Variants in SRRM4 observed in about 807,000 individuals in gnomAD.
SRRM4 encodes the protein serine/arginine repetitive matrix 4.
A neutral mutation model predicts 68.9 loss-of-function variants in SRRM4; 33 were observed. The observed-to-expected ratio is 0.48, with a 90% confidence interval of 0.36 to 0.64. SRRM4 has a LOEUF of 0.64. Among genes scored for constraint, SRRM4 ranks in the 30% least tolerant of loss-of-function variants. The pLI, the probability that SRRM4 is intolerant of heterozygous loss-of-function variation, is 0.00. For missense variants in SRRM4, 817 were observed against 827.1 expected (o/e 0.99, Z 0.15); for synonymous variants, 318 against 318.8 (o/e 1.00, Z 0.03).
At position 118,981,613 on chromosome 12, in the gene SRRM4, C is replaced by T. The variant is rs1220897611; in HGVS notation, c.-270C>T. The T allele has an allele frequency of 1.2e-5, 5 of 403,170 alleles. No individual in the cohort carries two copies. In the South Asian group the frequency reaches 2.5e-4, roughly 20 times the overall value. 25.0% of individuals were successfully genotyped at this position (403,170 alleles called of 1,614,324 possible). On this transcript the variant is annotated 5_prime_UTR_variant, in exon 1 of 13. Transcript: ENST00000267260. ...GCCCAGAAAGCCAGCCCTCCCTTCC[C>T]TTCTTGGGGCGCAGAGGCTCAGCCA...
At position 119,018,044 on chromosome 12, in the gene SRRM4, T is replaced by C. The variant is rs1455198161; in HGVS notation, c.131+36031T>C. On this transcript the variant is annotated intron_variant, in intron 1 of 12. Coordinates refer to ENST00000267260, the MANE Select transcript of SRRM4 (RefSeq NM_194286.4). Reference sequence around the variant, plus strand: ...AAATAAAACAATGTCAATAAAAGGCTTGACACAGAGTTGTTGTCAAGCAAA... The same window carrying C: ...AAATAAAACAATGTCAATAAAAGGCCTGACACAGAGTTGTTGTCAAGCAAA... 4.6e-5 allele frequency among the ~76,000 whole-genome samples: 7 copies of C among 152,322 alleles called. No individual in the cohort carries two copies. The East Asian group carries it at 1.4e-3, about 29-fold the overall frequency.
At position 119,122,125 on chromosome 12, in the gene SRRM4, G is replaced by A. The variant is rs767869892; in HGVS notation, c.515+5G>A. ...TGAGAAGAGGCACAAGAAACAGTAAGTAGATACTACCTGGAATGTACTCAT... is the reference window on the plus strand; with the variant it reads ...TGAGAAGAGGCACAAGAAACAGTAAATAGATACTACCTGGAATGTACTCAT... On this transcript the variant is annotated splice_donor_5th_base_variant and intron_variant, in intron 6 of 12. Coordinates refer to ENST00000267260, the MANE Select transcript of SRRM4 (RefSeq NM_194286.4). 28 of 1,600,736 alleles carry A rather than the reference G, an allele frequency of 1.7e-5. No individual in the cohort carries two copies. Among genetic ancestry groups the A allele is most frequent in the Non-Finnish European group, 2.4e-5 (28 of 1,167,926 alleles).
At chr12:119,072,573 G>A (rs904998434) in intron 1 of SRRM4, among the ~76,000 whole-genome samples, 3 of 152,130 alleles carry the variant, frequency 2.0e-5, no homozygotes, top group Admixed American at 6.6e-5. Context: ...TGTGTGCTCC[G>A]TGAGATAAGG....
In SRRM4 at chr12:119,161,871, A is replaced by T. The variant is rs1954516201; in HGVS notation, c.*5073A>T. On this transcript the variant is annotated 3_prime_UTR_variant, in exon 13 of 13. Transcript: ENST00000267260. The stretch of plus-strand genomic sequence containing the variant: ...ACACATGAACCAACTTCTATTAAAA[A>T]GTCACAACTCCTTGAAAAAAAAAAT... 1 of 152,314 alleles carries T rather than the reference A, an allele frequency of 6.6e-6. No individual in the cohort carries two copies. The highest frequency in any genetic ancestry group is 2.4e-5 in the African/African-American group (1 of 41,440). The allele number at this position is 152,314 out of a possible 1,614,324, so 9.4% of individuals were successfully genotyped here.
At chr12:119,015,064 G>A (rs935047438) in intron 1 of SRRM4, among the ~76,000 whole-genome samples, 17 of 152,170 alleles carry the variant, frequency 1.1e-4, no homozygotes, top group African/African-American at 4.1e-4. Context: ...ATGCAATGAA[G>A]CAGTCAAAAT....
intron 1 of SRRM4, among the ~76,000 whole-genome samples, chr12:119,072,070 C>G (rs1953881182): frequency 6.6e-6 from 1 of 152,242 alleles, no homozygotes; most frequent in South Asian, 2.1e-4. Flanking sequence ...GTTTCTTCAT[C>G]TGTGTAATAG....
intron 10 of SRRM4, among the ~76,000 whole-genome samples, chr12:119,152,940 G>A (rs1023366109): frequency 1.3e-5 from 2 of 152,166 alleles, no homozygotes; most frequent in Non-Finnish European, 2.9e-5. Flanking sequence ...ATTTGGCTTA[G>A]AGGCAAACAG....
rs61938058 is a variant in SRRM4, at chr12:119,149,111, A to T, written c.1077-1906A>T. ...ATGCCTGTAATCCCAGCACTTTGGG[A>T]GGCCAAGGCAGGTGGATCACGAGGT... On this transcript the variant is annotated intron_variant, in intron 9 of 12. Coordinates refer to ENST00000267260, the MANE Select transcript of SRRM4 (RefSeq NM_194286.4). Among the ~76,000 whole-genome samples, 516 of 152,320 alleles carry T rather than the reference A, an allele frequency of 3.4e-3. 1 individual carries two copies. Among genetic ancestry groups the T allele is most frequent in the Non-Finnish European group, 5.2e-3 (352 of 68,020 alleles).
chr12:119,137,587 GGAGAGAGAGAGAGAGA>G (rs55883419), intron 8 of SRRM4, among the ~76,000 whole-genome samples: 18,736 of 119,060 alleles, frequency 0.16, 1,794 homozygotes, highest in Middle Eastern at 0.21. Flanking sequence ...GGTTTGGAGT[GGAGAGAGAGAGAGAGA>G]GAGAGAGAGA....
intron 1 of SRRM4, among the ~76,000 whole-genome samples, chr12:119,003,208 G>A (rs1056905428): frequency 6.6e-6 from 1 of 151,698 alleles, no homozygotes; most frequent in Non-Finnish European, 1.5e-5. Context: ...ACCTATGTTC[G>A]AAGACCAGGG....
At chr12:118,993,261 G>C (rs980373924) in intron 1 of SRRM4, among the ~76,000 whole-genome samples, 1 of 152,180 alleles carries the variant, frequency 6.6e-6, no homozygotes. Context: ...GGGTGGGAAT[G>C]GTGTGACCGT....
At chr12:119,067,743 T>C (rs1953855240) in intron 1 of SRRM4, among the ~76,000 whole-genome samples, 1 of 151,924 alleles carries the variant, frequency 6.6e-6, no homozygotes, top group South Asian at 2.1e-4. Flanking sequence ...AAAATAAAAA[T>C]AAGAGGTCAA....
intron 5 of SRRM4, among the ~76,000 whole-genome samples, chr12:119,121,856 C>CCA (rs1385747418): frequency 6.6e-6 from 1 of 152,206 alleles, no homozygotes; most frequent in African/African-American, 2.4e-5. Flanking sequence ...TTGGCATCCT[C>CCA]CACACTCCAT....
Position 119,102,278 on chromosome 12 carries a change from A to G in SRRM4, c.174A>G (p.Gly58=), listed in dbSNP as rs758138809. Residue 58 remains glycine (G), a synonymous_variant, in exon 2 of 13, where the codon GGA becomes GGG. Transcript: ENST00000267260. The part of the protein sequence containing the change: ...QNNPVVPAQD[G]PSEKLGQHLA... ...ACCCCGTTGTCCCAGCTCAGGATGG[A>G]CCCTCAGAAAAGCTGGGTCAGCATC... 4.3e-6 allele frequency: 7 copies of G among 1,613,676 alleles called. No individual in the cohort carries two copies. Among genetic ancestry groups the G allele is most frequent in the Non-Finnish European group, 5.1e-6 (6 of 1,179,804 alleles).
intron 3 of SRRM4, among the ~76,000 whole-genome samples, chr12:119,115,161 C>T (rs895285085): frequency 6.6e-6 from 1 of 151,916 alleles, no homozygotes; most frequent in Non-Finnish European, 1.5e-5. Context: ...AGGGGCTTGA[C>T]GCCAGGTTCT....
intron 1 of SRRM4, among the ~76,000 whole-genome samples, chr12:119,049,153 G>A (rs1257100958): frequency 2.6e-5 from 4 of 152,178 alleles, no homozygotes; most frequent in Admixed American, 2.0e-4. Flanking sequence ...AAAATGACAC[G>A]TGGTAAGGGG....
intron 1 of SRRM4, among the ~76,000 whole-genome samples, chr12:119,010,893 A>G (rs569435866): frequency 2.0e-5 from 3 of 152,364 alleles, no homozygotes; most frequent in Admixed American, 2.0e-4. Flanking sequence ...ATAGATCTCT[A>G]AAAGACTGTG....
At chr12:119,034,888 T>C (rs973321896) in intron 1 of SRRM4, among the ~76,000 whole-genome samples, 1 of 152,194 alleles carries the variant, frequency 6.6e-6, no homozygotes. Flanking sequence ...TGGATTTCTA[T>C]TTTTTACTCA....
intron 8 of SRRM4, 87 bp from the exon 9 acceptor site, chr12:119,145,294 A>T: frequency 2.6e-6 from 3 of 1,158,502 alleles, no homozygotes; most frequent in Non-Finnish European, 1.2e-6. Context: ...GTTACAGTGC[A>T]TCATGACGGT....
Sources: gnomAD v4.1 joint callset for allele counts (sites outside exome capture counted in the v4.1 genomes callset) on GRCh38, gnomAD v4.1.1 for gene constraint, MANE v1.5 for transcripts, NCBI Gene and HGNC (gene_info 2026-07-23, HGNC 2026-07-21) for gene names.